The following DLGAP2 variants were observed in gnomAD, a reference collection of about 807,000 sequenced individuals.
DLGAP2 encodes DLG associated protein 2, also known as disks large-associated protein 2.
A neutral mutation model predicts 100.3 loss-of-function variants in DLGAP2; 26 were observed. That is an observed-to-expected ratio of 0.26 (90% CI 0.19 to 0.36). The LOEUF is 0.36. DLGAP2 is among the 10% of genes least tolerant of loss of function. DLGAP2 has a pLI of 1.00. For synonymous variants in DLGAP2, 886 were observed against 630.1 expected, an observed-to-expected ratio of 1.41 and a Z score of -6.08; for missense variants, 1,858 against 1,453.2, an observed-to-expected ratio of 1.28 and a Z score of -4.53.
intron 4 of DLGAP2, among the ~76,000 whole-genome samples, chr8:1,538,878 C>G (rs1269736397): frequency 7.3e-6 from 1 of 137,534 alleles, no homozygotes; most frequent in African/African-American, 2.9e-5. Flanking sequence ...TGACAGCTGT[C>G]ACTCATCTTT....
chr8:1,413,183 T>A (rs1165101172), intron 3 of DLGAP2, among the ~76,000 whole-genome samples: 2 of 152,198 alleles, frequency 1.3e-5, no homozygotes, highest in African/African-American at 4.8e-5. Context: ...ATGGCTTGTC[T>A]CCCTCCTCTC....
intron 2 of DLGAP2, among the ~76,000 whole-genome samples, chr8:1,193,498 C>G (rs757211020): frequency 2.0e-4 from 30 of 152,218 alleles, no homozygotes; most frequent in Non-Finnish European, 4.1e-4. Flanking sequence ...GTTTCTGTCA[C>G]TTAGCACCAT....
intron 6 of DLGAP2, 131 bp downstream of exon 6, chr8:1,566,025 C>G: frequency 7.9e-6 from 5 of 629,102 alleles, no homozygotes. Flanking sequence ...AATATTAGAC[C>G]CATGGCTGTC....
chr8:1,289,135 T>A (rs897491881), intron 3 of DLGAP2, among the ~76,000 whole-genome samples: 5 of 152,164 alleles, frequency 3.3e-5, no homozygotes, highest in African/African-American at 1.2e-4. Flanking sequence ...CCAGGCTGTT[T>A]TTAGCCTGGA....
intron 2 of DLGAP2, among the ~76,000 whole-genome samples, chr8:997,317 G>A (rs1194407978): frequency 1.3e-5 from 2 of 152,158 alleles, no homozygotes; most frequent in Non-Finnish European, 2.9e-5. Context: ...ATTCAAAAAT[G>A]CTATTTAAAT....
At chr8:1,034,002 A>G (rs1802057485) in intron 2 of DLGAP2, among the ~76,000 whole-genome samples, 2 of 123,248 alleles carry the variant, frequency 1.6e-5, no homozygotes, top group Non-Finnish European at 3.3e-5. Flanking sequence ...CCTCATCCCG[A>G]CCCCGCGTGT....
intron 1 of DLGAP2, among the ~76,000 whole-genome samples, chr8:806,306 C>A (rs1452607492): frequency 2.0e-5 from 3 of 152,178 alleles, no homozygotes; most frequent in African/African-American, 7.2e-5. Context: ...GGTGTTACAG[C>A]TCTTCTCTCT....
At chr8:1,594,152 C>CATGT (rs1286711606) in intron 6 of DLGAP2, among the ~76,000 whole-genome samples, 1 of 152,108 alleles carries the variant, frequency 6.6e-6, no homozygotes, top group Non-Finnish European at 1.5e-5. Flanking sequence ...GGGGTCTTCT[C>CATGT]ATGTATAAGA....
chr8:1,129,045 T>C (rs893517914), intron 2 of DLGAP2, among the ~76,000 whole-genome samples: 2 of 152,150 alleles, frequency 1.3e-5, no homozygotes, highest in African/African-American at 2.4e-5. Context: ...CAAAACAAAC[T>C]CACAATTCCA....
In DLGAP2 at chr8:1,452,056, G is replaced by A. The variant is rs73672707; in HGVS notation, c.107-49310G>A. Among the ~76,000 whole-genome samples, 1,476 of 152,358 alleles carry A rather than the reference G, an allele frequency of 9.7e-3. 25 individuals carry two copies. Among genetic ancestry groups the A allele is most frequent in the African/African-American group, 0.033 (1,354 of 41,590 alleles). ...TGGGCAGCACACAACCGAGGCATCC[G>A]GATCTGAGCCATCTGTGAATTTGCC... On this transcript the variant is annotated intron_variant, in intron 3 of 14. Coordinates refer to ENST00000637795, the MANE Select transcript of DLGAP2 (RefSeq NM_001346810.2).
At chr8:1,138,036 C>G (rs1796453939) in intron 2 of DLGAP2, among the ~76,000 whole-genome samples, 1 of 152,184 alleles carries the variant, frequency 6.6e-6, no homozygotes, top group Non-Finnish European at 1.5e-5. Flanking sequence ...GCGCCCGGCC[C>G]CCTCTCTCGA....
At chr8:837,748 A>G (rs1473703995) in intron 1 of DLGAP2, among the ~76,000 whole-genome samples, 1 of 149,518 alleles carries the variant, frequency 6.7e-6, no homozygotes, top group Non-Finnish European at 1.5e-5. Flanking sequence ...ACGGAGTCTC[A>G]CTCTGTTGCC....
At chr8:1,200,442 C>A (rs182394972) in intron 2 of DLGAP2, among the ~76,000 whole-genome samples, 1 of 152,200 alleles carries the variant, frequency 6.6e-6, no homozygotes, top group Non-Finnish European at 1.5e-5. Context: ...ATGGTGTTTC[C>A]GTTCACACTG....
chr8:1,654,180 C>T (rs780992743), intron 8 of DLGAP2, among the ~76,000 whole-genome samples: 11 of 152,140 alleles, frequency 7.2e-5, no homozygotes, highest in Non-Finnish European at 1.2e-4. Flanking sequence ...GTCCCGTGTA[C>T]GCACATGCAC....
At chr8:1,234,725 G>C (rs1798606867) in intron 2 of DLGAP2, among the ~76,000 whole-genome samples, 1 of 152,138 alleles carries the variant, frequency 6.6e-6, no homozygotes, top group Admixed American at 6.5e-5. Flanking sequence ...TCTGTTGCAC[G>C]TCACACCCTT....
At chr8:1,279,268 G>C (rs534844174) in intron 3 of DLGAP2, among the ~76,000 whole-genome samples, 1 of 152,256 alleles carries the variant, frequency 6.6e-6, no homozygotes, top group South Asian at 2.1e-4. Flanking sequence ...GTCAGTTCTT[G>C]ATTCTATGTT....
At chr8:1,500,612 G>A (rs548495242) in intron 3 of DLGAP2, among the ~76,000 whole-genome samples, 2 of 152,346 alleles carry the variant, frequency 1.3e-5, no homozygotes, top group East Asian at 3.9e-4. Flanking sequence ...AGCTCCTCAG[G>A]GACCAGTTAA....
chr8:1,661,281 T>A (rs1380657175), intron 8 of DLGAP2, among the ~76,000 whole-genome samples: 3 of 152,214 alleles, frequency 2.0e-5, no homozygotes, highest in Admixed American at 2.0e-4. Flanking sequence ...GCTGCAGACC[T>A]GTGTGGTGCA....
At chr8:1,011,158 G>A (rs1801270813) in intron 2 of DLGAP2, among the ~76,000 whole-genome samples, 1 of 150,316 alleles carries the variant, frequency 6.7e-6, no homozygotes, top group Admixed American at 6.6e-5. Flanking sequence ...GCTCTGGAAT[G>A]AGGGGTCTTA....
Sources: gnomAD v4.1 joint callset for allele counts (sites outside exome capture counted in the v4.1 genomes callset) on GRCh38, gnomAD v4.1.1 for gene constraint, MANE v1.5 for transcripts, NCBI Gene and HGNC (gene_info 2026-07-23, HGNC 2026-07-21) for gene names.